The following RYR2 variants were observed in gnomAD, a reference collection of about 807,000 sequenced individuals.
RYR2 encodes the protein cardiac muscle ryanodine receptor-calcium release channel.
A neutral mutation model predicts 601.1 loss-of-function variants in RYR2; 227 were observed. That is an observed-to-expected ratio of 0.38 (90% confidence interval 0.34 to 0.42). RYR2 has a LOEUF of 0.42. Ranked by LOEUF, RYR2 falls within the 10% of genes least tolerant of loss-of-function variation. RYR2 has a pLI of 1.00. For synonymous variants in RYR2, 2,223 were observed against 2,175.1 expected, an observed-to-expected ratio of 1.02 and a Z score of -0.61; for missense variants, 4,646 against 6,156.5, an observed-to-expected ratio of 0.75 and a Z score of 8.21.
At chr1:237,333,548 A>G in intron 3 of RYR2, 2 of 454,842 alleles carry the variant, frequency 4.4e-6, no homozygotes, top group Non-Finnish European at 8.8e-6. Flanking sequence ...GACTTGCGGC[A>G]GCAACTGTTT....
intron 7 of RYR2, among the ~76,000 whole-genome samples, chr1:237,376,857 C>G (rs1701077352): frequency 6.6e-6 from 1 of 152,064 alleles, no homozygotes; most frequent in Non-Finnish European, 1.5e-5. Context: ...ACTTTGCATC[C>G]TTTTTTGAGT....
At chr1:237,055,712 G>T (rs537233775) in intron 1 of RYR2, among the ~76,000 whole-genome samples, 2 of 152,286 alleles carry the variant, frequency 1.3e-5, no homozygotes, top group Non-Finnish European at 2.9e-5. Context: ...ACTGAATTAT[G>T]GCTCCCTAAA....
chr1:237,750,334 G>A (rs2149243802), intron 80 of RYR2, among the ~76,000 whole-genome samples: 1 of 152,102 alleles, frequency 6.6e-6, no homozygotes, highest in Non-Finnish European at 1.5e-5. Context: ...ATGCCATGGA[G>A]TCTTGTCAGT....
chr1:237,786,118 G>A, intron 91 of RYR2, 82 bp downstream of exon 91: 2 of 859,990 alleles, frequency 2.3e-6, no homozygotes, highest in Non-Finnish European at 3.7e-6. Flanking sequence ...TTTGGGAGCT[G>A]CAAGGGAGAA....
chr1:237,389,799 A>T (rs777205651), intron 10 of RYR2, among the ~76,000 whole-genome samples: 2 of 152,146 alleles, frequency 1.3e-5, no homozygotes, highest in Admixed American at 6.6e-5. Flanking sequence ...GGAAATTGGG[A>T]TGTCTGAGTC....
intron 22 of RYR2, among the ~76,000 whole-genome samples, 194 bp from the exon 23 acceptor site, chr1:237,506,516 C>A (rs1181376416): frequency 6.8e-6 from 1 of 146,850 alleles, no homozygotes; most frequent in Non-Finnish European, 1.5e-5. Context: ...CCAGCCTGGG[C>A]GACAGAGTGA....
At chr1:237,571,101 C>G (rs563587370) in intron 29 of RYR2, among the ~76,000 whole-genome samples, 2 of 152,066 alleles carry the variant, frequency 1.3e-5, no homozygotes, top group African/African-American at 4.8e-5. Context: ...GTACTCCAGC[C>G]TGGGTGACAG....
intron 71 of RYR2, among the ~76,000 whole-genome samples, chr1:237,716,883 A>G (rs1689308792): frequency 6.6e-6 from 1 of 152,120 alleles, no homozygotes; most frequent in African/African-American, 2.4e-5. Flanking sequence ...AAAGCACACA[A>G]TATCTGAAAT....
At chr1:237,662,579 A>C (rs551524532) in intron 56 of RYR2, among the ~76,000 whole-genome samples, 1 of 152,164 alleles carries the variant, frequency 6.6e-6, no homozygotes, top group African/African-American at 2.4e-5. Context: ...AATAAGGTAG[A>C]TTCTCCCACT....
chr1:237,108,254 C>A (rs1668975919), intron 1 of RYR2, among the ~76,000 whole-genome samples: 2 of 152,186 alleles, frequency 1.3e-5, no homozygotes, highest in Admixed American at 6.5e-5. Flanking sequence ...GGTTGTGAGG[C>A]TACACCTGTT....
chr1:237,337,617 A>G (rs924703639), intron 3 of RYR2, among the ~76,000 whole-genome samples: 7 of 152,176 alleles, frequency 4.6e-5, no homozygotes, highest in African/African-American at 1.7e-4. Context: ...GAATCAAATA[A>G]TATAAGTAAA....
chr1:237,160,504 TGTTTTA>T (rs1318804646), intron 1 of RYR2, among the ~76,000 whole-genome samples: 1 of 152,154 alleles, frequency 6.6e-6, no homozygotes, highest in Non-Finnish European at 1.5e-5. Flanking sequence ...TTTAAGTCCT[TGTTTTA>T]GATTTAGAAC....
chr1:237,185,615 T>TAC (rs1158339900), intron 1 of RYR2, among the ~76,000 whole-genome samples: 1 of 152,008 alleles, frequency 6.6e-6, no homozygotes, highest in Admixed American at 6.6e-5. Context: ...GCAGTGGGGA[T>TAC]ACACACACAC....
rs1573005697 is a variant in RYR2 at position 237,591,860 on chromosome 1, G to T, written c.4275+7G>T. ...CTTGATGCAAACGTCCACGGTATGA[G>T]GTTGCAGCTTTTGTCGTTTATTTCT... On this transcript the variant is annotated splice_region_variant and intron_variant, in intron 32 of 104. Coordinates refer to ENST00000366574, the MANE Select transcript of RYR2 (RefSeq NM_001035.3). 1.9e-6 allele frequency: 3 copies of T among 1,604,976 alleles called. No individual in the cohort carries two copies. Among genetic ancestry groups the T allele is most frequent in the Non-Finnish European group, 1.7e-6 (2 of 1,174,310 alleles).
intron 38 of RYR2, among the ~76,000 whole-genome samples, chr1:237,621,979 C>G (rs1003729293): frequency 1.3e-5 from 2 of 152,094 alleles, no homozygotes; most frequent in Non-Finnish European, 2.9e-5. Flanking sequence ...ACTAATGTTG[C>G]TATCCTGGTT....
chr1:237,183,508 A>G (rs1275590654), intron 1 of RYR2, among the ~76,000 whole-genome samples: 1 of 152,230 alleles, frequency 6.6e-6, no homozygotes, highest in Non-Finnish European at 1.5e-5. Flanking sequence ...TAGGAAAGAC[A>G]CGGGCATGGA....
At chr1:237,787,597 C>CAAAAA (rs778668137) in intron 91 of RYR2, among the ~76,000 whole-genome samples, 14 of 60,388 alleles carry the variant, frequency 2.3e-4, no homozygotes, top group Non-Finnish European at 3.1e-4. Context: ...GTCTCAAAAA[C>CAAAAA]AAAAAAAAAA....
Position 237,496,695 on chromosome 1 carries a change from A to G in RYR2, c.2146A>G (p.Asn716Asp), listed in dbSNP as rs1395171532. ...YPGGGEEWGG[N>D]GVGDDLFSYG... ...TGGAGGGGGCGAAGAGTGGGGTGGA[A>G]ATGGTGTTGGAGATGATCTCTTCTC... The change falls in exon 20 of 105, where the codon AAT becomes GAT. Residue 716 changes from asparagine to aspartate, a missense_variant. Asn to Asp is a conservative substitution (Grantham distance 23, BLOSUM62 1). Coordinates refer to ENST00000366574, the MANE Select transcript of RYR2 (RefSeq NM_001035.3). The G allele has an allele frequency of 3.7e-6, 6 of 1,613,874 alleles. No homozygotes were observed. Among genetic ancestry groups the G allele is most frequent in the Non-Finnish European group, 5.1e-6 (6 of 1,179,872 alleles).
intron 84 of RYR2, among the ~76,000 whole-genome samples, chr1:237,763,878 G>A (rs1317827772): frequency 6.6e-6 from 1 of 152,128 alleles, no homozygotes; most frequent in Non-Finnish European, 1.5e-5. Context: ...TTCTGTAAAA[G>A]TTAAAAAAGC....
Sources: allele counts gnomAD v4.1 joint callset (sites outside exome capture counted in the v4.1 genomes callset), GRCh38; gene constraint gnomAD v4.1.1; transcripts MANE v1.5; gene names NCBI Gene and HGNC (gene_info 2026-07-23, HGNC 2026-07-21).